Variants in MBOAT2 observed in about 807,000 individuals in gnomAD.
MBOAT2 encodes the protein membrane-bound glycerophospholipid O-acyltransferase 2.
A neutral mutation model predicts 63.4 loss-of-function variants in MBOAT2; 28 were observed. That is an observed-to-expected ratio of 0.44 (90% CI 0.33 to 0.61). The LOEUF is 0.61. Among genes scored for constraint, MBOAT2 ranks in the 20% least tolerant of loss-of-function variants. The probability of loss-of-function intolerance (pLI) is 0.03; values close to 1 mark genes in which losing one functional copy is unlikely to be tolerated. For missense variants in MBOAT2, 470 were observed against 605.8 expected (o/e 0.78, Z 2.35); for synonymous variants, 211 against 215.6 (o/e 0.98, Z 0.19).
chr2:9,002,239 GTACTT>G (rs1243834984), intron 1 of MBOAT2, among the ~76,000 whole-genome samples: 2 of 152,162 alleles, frequency 1.3e-5, no homozygotes, highest in Non-Finnish European at 2.9e-5. Flanking sequence ...TGGGGGATAG[GTACTT>G]TACTATTAAC....
At chr2:8,885,487 T>C (rs1206718851) in intron 5 of MBOAT2, among the ~76,000 whole-genome samples, 1 of 152,224 alleles carries the variant, frequency 6.6e-6, no homozygotes, top group Non-Finnish European at 1.5e-5. Flanking sequence ...AAGTATTTCA[T>C]ATACGAGATA....
chr2:8,950,200 A>C (rs1668730492), intron 2 of MBOAT2, among the ~76,000 whole-genome samples: 1 of 152,192 alleles, frequency 6.6e-6, no homozygotes, highest in Non-Finnish European at 1.5e-5. Flanking sequence ...ATCATTTATC[A>C]GTTCTAACAG....
At chr2:8,880,712 G>A (rs1205536947) in intron 6 of MBOAT2, among the ~76,000 whole-genome samples, 1 of 152,206 alleles carries the variant, frequency 6.6e-6, no homozygotes, top group Non-Finnish European at 1.5e-5. Context: ...GAAAGAGCCA[G>A]TGAAGGAGGA....
At chr2:8,869,336 C>G (rs1443955714) in intron 8 of MBOAT2, among the ~76,000 whole-genome samples, 1 of 151,986 alleles carries the variant, frequency 6.6e-6, no homozygotes, top group South Asian at 2.1e-4. Context: ...CAAGAGCTAC[C>G]GCACCCGACC....
chr2:8,874,972 T>C (rs543819019), intron 7 of MBOAT2, among the ~76,000 whole-genome samples: 1 of 152,280 alleles, frequency 6.6e-6, no homozygotes, highest in African/African-American at 2.4e-5. Flanking sequence ...ATATTATCAA[T>C]GCACTGCTTA....
In MBOAT2 at chr2:8,854,132, G is replaced by A. The variant is rs1012724485; in HGVS notation, c.*4547C>T. The A allele has an allele frequency of 6.6e-6, 1 of 152,148 alleles. No homozygotes were observed. The highest frequency in any genetic ancestry group is 1.5e-5 in the Non-Finnish European group (1 of 68,022). 9.4% of individuals were successfully genotyped at this position (152,148 alleles called of 1,614,324 possible). A position where few individuals can be genotyped will look rare whatever the true frequency, so the allele number is the denominator to read the frequency against. On this transcript the variant is annotated 3_prime_UTR_variant, in exon 13 of 13. Coordinates refer to ENST00000305997, the MANE Select transcript of MBOAT2 (RefSeq NM_138799.4). ...GTTGTAATCAGAGTTTCTATAAATA[G>A]ATTTGACTACTTGGTGTTGCAGAAA...
At chr2:8,914,293 G>A (rs971342983) in intron 3 of MBOAT2, among the ~76,000 whole-genome samples, 3 of 151,626 alleles carry the variant, frequency 2.0e-5, no homozygotes, top group Admixed American at 6.6e-5. Flanking sequence ...AACAGAAAAC[G>A]AACAAACAAA....
At chr2:8,974,223 G>C in intron 1 of MBOAT2, 1 of 387,852 alleles carries the variant, frequency 2.6e-6, no homozygotes. Context: ...AATAGTGACT[G>C]GTCTCAGCCA....
chr2:8,948,165 A>C lies in MBOAT2; in HGVS notation c.222-4901T>G, dbSNP rs779760637. On this transcript the variant is annotated intron_variant, in intron 2 of 12. Transcript: ENST00000305997. Reference sequence around the variant, plus strand: ...AACTCCAGATGTGGTGGAAAATAGCAAGAAAACTAGAAGTGAAGCCTAAAG... The same window carrying C: ...AACTCCAGATGTGGTGGAAAATAGCCAGAAAACTAGAAGTGAAGCCTAAAG... Among the ~76,000 whole-genome samples the C allele has an allele frequency of 6.1e-4, 93 of 152,330 alleles. 1 individual carries two copies. Among genetic ancestry groups the C allele is most frequent in the Non-Finnish European group, 2.2e-4 (15 of 68,028 alleles).
intron 7 of MBOAT2, among the ~76,000 whole-genome samples, chr2:8,874,188 A>G (rs1020668242): frequency 5.3e-5 from 8 of 152,342 alleles, no homozygotes; most frequent in African/African-American, 1.9e-4. Flanking sequence ...CTCCAAGACA[A>G]GAGCCAAAGC....
Position 8,998,394 on chromosome 2 carries a change from G to C in MBOAT2, c.75+5146C>G, listed in dbSNP as rs181377407. On this transcript the variant is annotated intron_variant, in intron 1 of 12. Coordinates refer to ENST00000305997, the MANE Select transcript of MBOAT2 (RefSeq NM_138799.4). ...AATGGCAAGTTGAAAATAAATCTTT[G>C]ATCTGCTTGTTTTGTTGCCATTCAC... Among the ~76,000 whole-genome samples, 20 of 152,238 alleles carry C rather than the reference G, an allele frequency of 1.3e-4. 1 individual carries two copies. In the East Asian group the frequency reaches 3.9e-3, roughly 29 times the overall value.
chr2:8,904,134 G>A (rs1203594896), intron 4 of MBOAT2, among the ~76,000 whole-genome samples: 2 of 151,796 alleles, frequency 1.3e-5, no homozygotes, highest in East Asian at 1.9e-4. Flanking sequence ...GCGCCACCAC[G>A]TGGCTAATTT....
In MBOAT2 at chr2:9,003,439, G is replaced by T; in HGVS notation, c.75+101C>A. 1 of 749,522 alleles carries T rather than the reference G, an allele frequency of 1.3e-6. No homozygotes were observed. The highest frequency in any genetic ancestry group is 1.7e-6 in the Non-Finnish European group (1 of 577,378). The allele number at this position is 749,522 out of a possible 1,614,324, so 46.4% of individuals were successfully genotyped here. A position where few individuals can be genotyped will look rare whatever the true frequency, so the allele number is the denominator to read the frequency against. ...CGGGTAGGGGGGCACCGGGCGCCCG[G>T]CCCCAGCCCCCACCCTCCTCCCGGG... On this transcript the variant is annotated intron_variant, in intron 1 of 12. Transcript: ENST00000305997. The surrounding 1 kb of genome is among the most constrained non-coding windows in gnomAD (Gnocchi z 5.4).
chr2:8,952,207 T>C (rs1668885656), intron 2 of MBOAT2, among the ~76,000 whole-genome samples: 1 of 152,256 alleles, frequency 6.6e-6, no homozygotes, highest in African/African-American at 2.4e-5. Flanking sequence ...AATTGTTTAA[T>C]TTCCATGTAA....
At chr2:8,944,351 G>A (rs1668260975) in intron 2 of MBOAT2, among the ~76,000 whole-genome samples, 1 of 152,090 alleles carries the variant, frequency 6.6e-6, no homozygotes. Context: ...TCCCCTTTGG[G>A]GGAATGAACA....
At position 8,860,626 on chromosome 2, in the gene MBOAT2, G is replaced by T. The variant is rs143839710; in HGVS notation, c.1324C>A (p.Leu442Ile). The change falls in exon 12 of 13, where the codon CTC becomes ATC. Residue 442 changes from leucine to isoleucine, a missense_variant. Transcript: ENST00000305997. ...AGTAACACTTACCTGTAAAACGTGA[G>T]TGATGGTTTTATAGAAAGAAGCACA... ...PFVLLSIKPS[L>I]TFYSSWYYCL... 6.2e-7 allele frequency: 1 copy of T among 1,612,822 alleles called. No homozygotes were observed. The highest frequency in any genetic ancestry group is 2.2e-5 in the East Asian group (1 of 44,792).
chr2:8,876,727 G>A (rs983726074), intron 7 of MBOAT2, among the ~76,000 whole-genome samples: 4 of 150,022 alleles, frequency 2.7e-5, no homozygotes, highest in African/African-American at 9.8e-5. Context: ...AAGGGGGAAG[G>A]GGGAAGGGAG....
intron 2 of MBOAT2, among the ~76,000 whole-genome samples, chr2:8,956,794 G>A (rs1208033262): frequency 1.3e-5 from 2 of 152,202 alleles, no homozygotes; most frequent in African/African-American, 4.8e-5. Context: ...GTGACATTGT[G>A]TTATAAGGCA....
intron 1 of MBOAT2, among the ~76,000 whole-genome samples, chr2:8,990,419 A>G (rs928759613): frequency 2.3e-4 from 35 of 152,340 alleles, no homozygotes; most frequent in Admixed American, 1.0e-3. Context: ...CTCTGGCATT[A>G]TAGTCTTTGC....
Sources: gnomAD v4.1 joint callset for allele counts (sites outside exome capture counted in the v4.1 genomes callset) on GRCh38, gnomAD v4.1.1 for gene constraint, Gnocchi (gnomAD v3.1) non-coding constraint, MANE v1.5 for transcripts, NCBI Gene and HGNC (gene_info 2026-07-23, HGNC 2026-07-21) for gene names.